ANKS1B: variants seen among roughly 807,000 people sequenced by gnomAD.
ANKS1B encodes the protein ankyrin repeat and sterile alpha motif domain containing 1B, also known as ankyrin repeat and sterile alpha motif domain-containing protein 1B.
A neutral mutation model predicts 148.3 loss-of-function variants in ANKS1B; 36 were observed. The ratio of observed to expected loss-of-function variants is 0.24; its 90% CI spans 0.19 to 0.32. ANKS1B has a LOEUF of 0.32. Among genes scored for constraint, ANKS1B ranks in the 10% least tolerant of loss-of-function variants. ANKS1B has a pLI of 1.00. For missense variants in ANKS1B, 1,157 were observed against 1,542.6 expected (o/e 0.75, Z 4.19); for synonymous variants, 542 against 560.8 (o/e 0.97, Z 0.47).
intron 12 of ANKS1B, among the ~76,000 whole-genome samples, chr12:99,327,237 A>T (rs1422092250): frequency 9.2e-6 from 1 of 108,466 alleles, no homozygotes; most frequent in Non-Finnish European, 1.8e-5. Flanking sequence ...TAATTATAAT[A>T]ATTATAATTT....
intron 12 of ANKS1B, among the ~76,000 whole-genome samples, chr12:99,251,070 A>C (rs1468411831): frequency 6.6e-6 from 1 of 152,176 alleles, no homozygotes; most frequent in African/African-American, 2.4e-5. Flanking sequence ...AGTCTCTCTT[A>C]TAAGGTCTCT....
chr12:99,577,792 T>C (rs565503159), intron 9 of ANKS1B, among the ~76,000 whole-genome samples: 2 of 152,010 alleles, frequency 1.3e-5, no homozygotes, highest in African/African-American at 2.4e-5. Context: ...TGAATTCTAC[T>C]GCATGTATAA....
intron 17 of ANKS1B, among the ~76,000 whole-genome samples, chr12:98,894,098 C>T (rs188893038): frequency 6.8e-4 from 104 of 152,298 alleles, no homozygotes; most frequent in Non-Finnish European, 1.1e-3. Flanking sequence ...TCCATGCCCA[C>T]GTCCCCCTCT....
intron 12 of ANKS1B, chr12:99,352,021 A>G (rs139147216): frequency 6.6e-6 from 1 of 152,060 alleles, no homozygotes; most frequent in Non-Finnish European, 1.5e-5. Context: ...TCTGAGATTG[A>G]AACTTGACCA....
intron 24 of ANKS1B, among the ~76,000 whole-genome samples, chr12:98,776,936 A>G (rs1419080380): frequency 5.9e-5 from 9 of 152,256 alleles, no homozygotes; most frequent in African/African-American, 2.2e-4. Flanking sequence ...CATGTCTGTA[A>G]TTCCAGTGCT....
intron 17 of ANKS1B, among the ~76,000 whole-genome samples, chr12:98,998,601 G>A (rs1399525909): frequency 6.6e-6 from 1 of 152,078 alleles, no homozygotes; most frequent in African/African-American, 2.4e-5. Flanking sequence ...AAGGGCTTAG[G>A]TACATAAATT....
intron 12 of ANKS1B, among the ~76,000 whole-genome samples, chr12:99,305,554 A>T (rs913156967): frequency 6.6e-6 from 1 of 152,142 alleles, no homozygotes; most frequent in Non-Finnish European, 1.5e-5. Context: ...GAAAAACTCA[A>T]TATTTCTAGA....
intron 15 of ANKS1B, chr12:99,099,771 A>C (rs2057416100): frequency 6.6e-6 from 1 of 152,212 alleles, no homozygotes; most frequent in African/African-American, 2.4e-5. Context: ...AATAACATAA[A>C]ATTTTAATGT....
chr12:99,277,250 G>A (rs1194889859), intron 12 of ANKS1B, among the ~76,000 whole-genome samples: 1 of 152,156 alleles, frequency 6.6e-6, no homozygotes, highest in East Asian at 1.9e-4. Flanking sequence ...ATTTTAAAAT[G>A]TGACTGTGTT....
intron 9 of ANKS1B, among the ~76,000 whole-genome samples, chr12:99,621,521 A>G (rs1376026229): frequency 6.6e-6 from 1 of 151,880 alleles, no homozygotes. Flanking sequence ...CATCTTACAC[A>G]TAACACCACC....
intron 8 of ANKS1B, among the ~76,000 whole-genome samples, chr12:99,716,110 C>A (rs542289618): frequency 6.6e-6 from 1 of 152,030 alleles, no homozygotes; most frequent in Non-Finnish European, 1.5e-5. Flanking sequence ...CTGTCTCTAC[C>A]CCTTCTCTGC....
chr12:99,969,359 T>A (rs550848891), intron 1 of ANKS1B, among the ~76,000 whole-genome samples: 2 of 152,250 alleles, frequency 1.3e-5, no homozygotes, highest in East Asian at 3.9e-4. Flanking sequence ...TATTTTTTTA[T>A]TTTCTGTAGA....
Position 99,819,433 on chromosome 12 carries a change from T to C in ANKS1B, c.215+5876A>G, listed in dbSNP as rs1040452301. 3.3e-5 allele frequency among the ~76,000 whole-genome samples: 5 copies of C among 151,746 alleles called. No homozygotes were observed. The East Asian group carries it at 9.7e-4, about 29-fold the overall frequency. On this transcript the variant is annotated intron_variant, in intron 2 of 26. Coordinates refer to ENST00000683438, the MANE Select transcript of ANKS1B (RefSeq NM_001352186.2). ...GGTATGCCTCTTTTATTAGAAAACCTAAGAAAGATCAAATCATACAGATAG... is the reference window on the plus strand; with the variant it reads ...GGTATGCCTCTTTTATTAGAAAACCCAAGAAAGATCAAATCATACAGATAG...
intron 9 of ANKS1B, among the ~76,000 whole-genome samples, chr12:99,573,450 T>C (rs1423180794): frequency 6.6e-6 from 1 of 152,142 alleles, no homozygotes; most frequent in African/African-American, 2.4e-5. Flanking sequence ...GAATGTTTTA[T>C]CTTTTTCTAT....
intron 15 of ANKS1B, among the ~76,000 whole-genome samples, chr12:99,152,970 T>C (rs1228471843): frequency 1.3e-5 from 2 of 152,130 alleles, no homozygotes; most frequent in Non-Finnish European, 2.9e-5. Context: ...ATATCTTGTC[T>C]ATATAACCAG....
rs191839437 is a variant in ANKS1B, at chr12:99,532,213, T to C, written c.1273-27572A>G. 1.4e-4 allele frequency among the ~76,000 whole-genome samples: 22 copies of C among 152,342 alleles called. No homozygotes were observed. In the East Asian group the frequency reaches 3.9e-3, roughly 27 times the overall value. On this transcript the variant is annotated intron_variant, in intron 9 of 26. Coordinates refer to ENST00000683438, the MANE Select transcript of ANKS1B (RefSeq NM_001352186.2). The stretch of plus-strand genomic sequence containing the variant: ...CTTTTTCATTTAATTCAATCACATT[T>C]ATTTTTGTTTTGTTGGATTTGCTTT...
At chr12:99,546,584 T>C (rs1316778312) in intron 9 of ANKS1B, among the ~76,000 whole-genome samples, 3 of 152,256 alleles carry the variant, frequency 2.0e-5, no homozygotes, top group South Asian at 2.1e-4. Context: ...CTCTGATAAG[T>C]ACAGGCAATC....
intron 14 of ANKS1B, chr12:99,154,822 AGCTCCATGCTCCTTGCTCCCCCTCGCTC>A: frequency 6.6e-7 from 1 of 1,513,864 alleles, no homozygotes; most frequent in Non-Finnish European, 8.8e-7. Context: ...ATCAGTATGC[AGCTCCATGCTCCTTGCTCCCCCTCGCTC>A]GCTCCCCTTC....
chr12:99,883,611 TG>T (rs1434960026), intron 1 of ANKS1B, among the ~76,000 whole-genome samples: 1 of 107,852 alleles, frequency 9.3e-6, no homozygotes, highest in African/African-American at 2.7e-5. Flanking sequence ...GGCATAGACT[TG>T]GGGCAGGGGG....
Sources: allele counts gnomAD v4.1 joint callset (sites outside exome capture counted in the v4.1 genomes callset), GRCh38; gene constraint gnomAD v4.1.1; transcripts MANE v1.5; gene names NCBI Gene and HGNC (gene_info 2026-07-23, HGNC 2026-07-21).